KIF5C: variants seen among roughly 807,000 people sequenced by gnomAD.
KIF5C encodes kinesin family member 5C, also known as kinesin heavy chain isoform 5C.
In KIF5C, 18 loss-of-function variants were observed where a neutral mutation model predicts 125.2. The ratio of observed to expected loss-of-function variants is 0.14; its 90% CI spans 0.10 to 0.21. KIF5C has a LOEUF of 0.21. Ranked by LOEUF, KIF5C falls within the 10% of genes least tolerant of loss-of-function variation. The probability of loss-of-function intolerance (pLI) is 1.00; values close to 1 mark genes in which losing one functional copy is unlikely to be tolerated. For synonymous variants in KIF5C, 405 were observed against 434.0 expected, an observed-to-expected ratio of 0.93 and a Z score of 0.83; for missense variants, 780 against 1,183.8, an observed-to-expected ratio of 0.66 and a Z score of 5.01.
At chr2:148,899,983 C>G (rs761721916) in intron 1 of KIF5C, among the ~76,000 whole-genome samples, 1 of 152,188 alleles carries the variant, frequency 6.6e-6, no homozygotes, top group African/African-American at 2.4e-5. Context: ...ACTTTAAGCT[C>G]AGCTCAAACC....
chr2:148,978,345 T>G (rs925387340), intron 12 of KIF5C, among the ~76,000 whole-genome samples: 17 of 145,468 alleles, frequency 1.2e-4, no homozygotes, highest in African/African-American at 4.2e-4. Flanking sequence ...TTTTTTTTTT[T>G]TTTTTTTTTT....
chr2:148,949,281 C>T (rs1447112430), intron 8 of KIF5C, among the ~76,000 whole-genome samples: 2 of 152,204 alleles, frequency 1.3e-5, no homozygotes, highest in Non-Finnish European at 2.9e-5. Context: ...TTTCATTTCT[C>T]TCCCAAGTTT....
At chr2:149,022,787 G>A (rs975952328) in intron 25 of KIF5C, among the ~76,000 whole-genome samples, 3 of 152,146 alleles carry the variant, frequency 2.0e-5, no homozygotes, top group Admixed American at 6.5e-5. Context: ...AGCCGGGTGT[G>A]GTGGCAAACC....
At position 148,903,688 on chromosome 2, in the gene KIF5C, CA is replaced by C. The variant is rs1680990994; in HGVS notation, c.127-18448del. On this transcript the variant is annotated intron_variant, in intron 1 of 25. Coordinates refer to ENST00000435030, the MANE Select transcript of KIF5C (RefSeq NM_004522.3). Reference sequence around the variant, plus strand: ...ACAGAATCTTATGAGAGAGCTGCTGCAGTATTATTATCATCCTCACCTGAGC... The same window carrying C: ...ACAGAATCTTATGAGAGAGCTGCTGCGTATTATTATCATCCTCACCTGAGC... Among the ~76,000 whole-genome samples the C allele has an allele frequency of 2.6e-5, 4 of 152,192 alleles. No individual in the cohort carries two copies. In the South Asian group the frequency reaches 8.3e-4, roughly 31 times the overall value.
rs745715427 is a variant in KIF5C, at chr2:149,000,441, A to C, written c.2229A>C (p.Gln743His). Residue 743 changes from glutamine to histidine, a missense_variant, in exon 20 of 26, where the codon CAA becomes CAC. This residue lies in a region of KIF5C where 573 missense variants were observed against 742.6 expected (regional missense o/e 0.77). Coordinates refer to ENST00000435030, the MANE Select transcript of KIF5C (RefSeq NM_004522.3). ...ATTTCAGTTTGAATCAGAAACTGCA[A>C]CTGGAACAGGAGAAGCTTAGTTCTG... Reference protein sequence around the residue: ...DEIRDLNQKLQLEQEKLSSDY... With the variant: ...DEIRDLNQKLHLEQEKLSSDY... 19 of 1,584,582 alleles carry C rather than the reference A, an allele frequency of 1.2e-5. No homozygotes were observed. The highest frequency in any genetic ancestry group is 1.5e-5 in the Non-Finnish European group (17 of 1,161,106).
chr2:148,940,541 T>G (rs1357401304), intron 4 of KIF5C, among the ~76,000 whole-genome samples: 1 of 151,946 alleles, frequency 6.6e-6, no homozygotes, highest in Non-Finnish European at 1.5e-5. Context: ...TGGGTTAGAG[T>G]CTTTGCTTCC....
chr2:149,020,313 C>G (rs1682494764), intron 25 of KIF5C: 1 of 152,142 alleles, frequency 6.6e-6, no homozygotes, highest in Non-Finnish European at 1.5e-5. Flanking sequence ...AACGCTGCAT[C>G]CTAGTAAAGA....
intron 4 of KIF5C, among the ~76,000 whole-genome samples, 183 bp from the exon 5 acceptor site, chr2:148,941,427 G>T (rs1333783774): frequency 2.0e-5 from 3 of 150,710 alleles, no homozygotes; most frequent in Non-Finnish European, 4.4e-5. Flanking sequence ...ACTTAGGGAA[G>T]CGTAGAGCAA....
chr2:148,991,105 C>G lies in KIF5C; in HGVS notation c.1812C>G (p.Arg604=). 6.2e-7 allele frequency: 1 copy of G among 1,613,942 alleles called. No individual in the cohort carries two copies. The highest frequency in any genetic ancestry group is 2.2e-5 in the East Asian group (1 of 44,874). ...MKSEVKSLVN[R]SKQLESAQMD... ...CAGAGGTCAAGTCCCTGGTGAACCG[C>G]AGCAAACAGCTCGAGAGCGCCCAGA... The change falls in exon 16 of 26, where the codon CGC becomes CGG. Residue 604 remains arginine, a synonymous_variant. Transcript: ENST00000435030.
chr2:149,020,608 T>A (rs1290344560), intron 25 of KIF5C, among the ~76,000 whole-genome samples: 1 of 152,166 alleles, frequency 6.6e-6, no homozygotes, highest in African/African-American at 2.4e-5. Flanking sequence ...AAACATTGCG[T>A]CAGGCCATAA....
intron 25 of KIF5C, among the ~76,000 whole-genome samples, chr2:149,017,606 C>T (rs912895571): frequency 1.3e-5 from 2 of 152,144 alleles, no homozygotes; most frequent in African/African-American, 4.8e-5. Context: ...ATTGCTGAAA[C>T]CTTAGATGTT....
intron 7 of KIF5C, among the ~76,000 whole-genome samples, chr2:148,943,947 A>T (rs187745777): frequency 1.9e-4 from 29 of 152,304 alleles, no homozygotes; most frequent in African/African-American, 7.0e-4. Flanking sequence ...CTTGCTTAAA[A>T]CATGCACACA....
intron 1 of KIF5C, among the ~76,000 whole-genome samples, chr2:148,898,862 G>A (rs73966628): frequency 0.012 from 1,876 of 152,204 alleles, 35 homozygotes; most frequent in African/African-American, 0.043. Flanking sequence ...CCTACTACAT[G>A]GTATTATTTA....
At chr2:148,889,937 C>T (rs187467352) in intron 1 of KIF5C, among the ~76,000 whole-genome samples, 36 of 152,268 alleles carry the variant, frequency 2.4e-4, no homozygotes, top group African/African-American at 8.7e-4. Context: ...TGTGGGCCCC[C>T]TTTCTGGGTG....
chr2:148,893,200 T>C (rs1223527699), intron 1 of KIF5C, among the ~76,000 whole-genome samples: 1 of 152,230 alleles, frequency 6.6e-6, no homozygotes, highest in Non-Finnish European at 1.5e-5. Flanking sequence ...TGCAGTAGTC[T>C]TGGAATACAA....
intron 13 of KIF5C, 66 bp from the exon 14 acceptor site, chr2:148,981,289 A>T: frequency 1.4e-6 from 2 of 1,477,570 alleles, no homozygotes; most frequent in South Asian, 2.9e-5. Flanking sequence ...TTACTTTTGG[A>T]TACAGCATAG....
chr2:148,905,701 C>G (rs1418165806), intron 1 of KIF5C, among the ~76,000 whole-genome samples: 1 of 152,026 alleles, frequency 6.6e-6, no homozygotes. Flanking sequence ...AGAGATGGAG[C>G]CAGGGTCAAG....
At chr2:148,942,847 A>T in intron 7 of KIF5C, 87 bp downstream of exon 7, 1 of 1,547,584 alleles carries the variant, frequency 6.5e-7, no homozygotes, top group African/African-American at 1.4e-5. Flanking sequence ...ATTAGGTACA[A>T]ATGAAAGAAT....
chr2:149,015,636 C>T (rs1474719276), intron 25 of KIF5C, among the ~76,000 whole-genome samples: 6 of 152,144 alleles, frequency 3.9e-5, no homozygotes, highest in African/African-American at 1.4e-4. Context: ...TCAAAAGAAC[C>T]CAGGATAATG....
Sources: gnomAD v4.1 joint callset for allele counts (sites outside exome capture counted in the v4.1 genomes callset) on GRCh38, gnomAD v4.1.1 for gene constraint, gnomAD v4.1.1 regional missense constraint, MANE v1.5 for transcripts, NCBI Gene and HGNC (gene_info 2026-07-23, HGNC 2026-07-21) for gene names.